Variants in TMED3 observed in about 807,000 individuals in gnomAD.
TMED3 encodes transmembrane emp24 domain-containing protein 3.
In TMED3, 9 loss-of-function variants were observed where a neutral mutation model predicts 15.0. The observed-to-expected ratio is 0.60, with a 90% CI of 0.36 to 1.04. The LOEUF (loss-of-function observed/expected upper bound fraction) is 1.04, where lower values mean the gene tolerates loss of function less well. Ranked by LOEUF, TMED3 falls within the 50% of genes least tolerant of loss-of-function variation. The pLI is 0.01. For synonymous variants in TMED3, 117 were observed against 121.4 expected (o/e 0.96, Z 0.24); for missense variants, 267 against 278.9 (o/e 0.96, Z 0.30).
chr15:79,377,220 A>G (rs1471597348), intron 2 of TMED3, among the ~76,000 whole-genome samples: 1 of 151,852 alleles, frequency 6.6e-6, no homozygotes, highest in Non-Finnish European at 1.5e-5. Flanking sequence ...TGAGGTGGAT[A>G]TGTCATCCTA....
intron 2 of TMED3, 76 bp from the exon 3 acceptor site, chr15:79,321,902 A>G (rs1042926459): frequency 2.7e-5 from 41 of 1,540,428 alleles, no homozygotes; most frequent in Non-Finnish European, 3.5e-5. Flanking sequence ...GGATGTTGAC[A>G]ACAGCATTTG....
intron 2 of TMED3, among the ~76,000 whole-genome samples, chr15:79,366,483 A>G (rs1893237632): frequency 6.6e-6 from 1 of 152,244 alleles, no homozygotes; most frequent in African/African-American, 2.4e-5. Flanking sequence ...CTCATGATTA[A>G]CTTCCATGGC....
chr15:79,355,284 T>A (rs573820416), intron 2 of TMED3, among the ~76,000 whole-genome samples: 1 of 152,160 alleles, frequency 6.6e-6, no homozygotes, highest in African/African-American at 2.4e-5. Context: ...ACTTGTATGA[T>A]CACAGCTGCC....
At chr15:79,347,547 G>C (rs754282295) in intron 2 of TMED3, among the ~76,000 whole-genome samples, 12 of 152,120 alleles carry the variant, frequency 7.9e-5, no homozygotes, top group Non-Finnish European at 1.3e-4. Context: ...TCAGGCAAGG[G>C]AAAGAAATAA....
intron 2 of TMED3, among the ~76,000 whole-genome samples, chr15:79,335,316 G>C (rs1397667149): frequency 6.7e-6 from 1 of 150,190 alleles, no homozygotes; most frequent in Non-Finnish European, 1.5e-5. Context: ...CAACATTGAA[G>C]TTTCATCAAA....
intron 2 of TMED3, among the ~76,000 whole-genome samples, chr15:79,364,913 A>T (rs922311249): frequency 6.6e-6 from 1 of 152,214 alleles, no homozygotes; most frequent in African/African-American, 2.4e-5. Context: ...CTTGGGATAC[A>T]GAAAGGTGTC....
At chr15:79,389,924 G>C (rs1473672416) in intron 2 of TMED3, among the ~76,000 whole-genome samples, 1 of 152,088 alleles carries the variant, frequency 6.6e-6, no homozygotes, top group African/African-American at 2.4e-5. Context: ...CTACTGATCT[G>C]TGTACATTAA....
chr15:79,390,236 G>A (rs771106627), intron 2 of TMED3, among the ~76,000 whole-genome samples: 1 of 152,040 alleles, frequency 6.6e-6, no homozygotes, highest in African/African-American at 2.4e-5. Flanking sequence ...TGTCATGGAC[G>A]GCTTTTATTA....
intron 2 of TMED3, among the ~76,000 whole-genome samples, chr15:79,382,568 G>A (rs1013281136): frequency 4.6e-5 from 7 of 152,296 alleles, no homozygotes; most frequent in Admixed American, 6.5e-5. Flanking sequence ...TCCCACAGTG[G>A]CCCTCTGGCC....
intron 2 of TMED3, among the ~76,000 whole-genome samples, chr15:79,375,134 T>G (rs775296711): frequency 6.6e-6 from 1 of 152,194 alleles, no homozygotes. Flanking sequence ...AGGGCCCTTA[T>G]CAGCAGCATC....
downstream of TMED3, among the ~76,000 whole-genome samples, chr15:79,327,185 G>T (rs2058790446): frequency 6.6e-6 from 1 of 152,160 alleles, no homozygotes; most frequent in South Asian, 2.1e-4. Context: ...TTAATATGAG[G>T]TTGGCAGGAC....
At chr15:79,311,441 C>T (rs2141210262) in intron 1 of TMED3, 24 bp downstream of exon 1, 1 of 1,589,006 alleles carries the variant, frequency 6.3e-7, no homozygotes, top group East Asian at 2.3e-5. Flanking sequence ...CCCGGCAGCG[C>T]TCCCTTCTCC....
chr15:79,387,560 C>G (rs1893641688), intron 2 of TMED3, among the ~76,000 whole-genome samples: 1 of 151,292 alleles, frequency 6.6e-6, no homozygotes, highest in African/African-American at 2.4e-5. Context: ...TTAGAAACAT[C>G]TAATGAAATT....
chr15:79,335,627 C>T (rs2058824454), intron 2 of TMED3, among the ~76,000 whole-genome samples: 1 of 152,090 alleles, frequency 6.6e-6, no homozygotes, highest in Non-Finnish European at 1.5e-5. Flanking sequence ...GGGGCCATCA[C>T]AAAAAGGGCA....
At chr15:79,389,160 T>G (rs1893665274) in intron 2 of TMED3, among the ~76,000 whole-genome samples, 1 of 152,212 alleles carries the variant, frequency 6.6e-6, no homozygotes. Context: ...ATAAAATCCT[T>G]GCCTAAGCCA....
chr15:79,366,796 G>A (rs1054131449), intron 2 of TMED3, among the ~76,000 whole-genome samples: 1 of 152,222 alleles, frequency 6.6e-6, no homozygotes, highest in African/African-American at 2.4e-5. Context: ...GACGGTGAAT[G>A]TCTTATTAGC....
chr15:79,325,112 A>G (rs1376902714), downstream of TMED3, among the ~76,000 whole-genome samples: 2 of 152,214 alleles, frequency 1.3e-5, no homozygotes, highest in Non-Finnish European at 2.9e-5. Context: ...CCCAGGGAAA[A>G]GACATAGGAC....
chr15:79,399,960 C>T (rs1027316776), intron 2 of TMED3, among the ~76,000 whole-genome samples: 7 of 152,202 alleles, frequency 4.6e-5, no homozygotes, highest in African/African-American at 1.7e-4. Flanking sequence ...GGGTAATTTA[C>T]AAGGTATCCC....
intron 2 of TMED3, among the ~76,000 whole-genome samples, chr15:79,388,066 A>T (rs1893649058): frequency 6.6e-6 from 1 of 152,032 alleles, no homozygotes; most frequent in Admixed American, 6.5e-5. Flanking sequence ...TCCAATCTTT[A>T]TATATTTTAT....
Sources: gnomAD v4.1 joint callset for allele counts (sites outside exome capture counted in the v4.1 genomes callset) on GRCh38, gnomAD v4.1.1 for gene constraint, MANE v1.5 for transcripts, NCBI Gene and HGNC (gene_info 2026-07-23, HGNC 2026-07-21) for gene names.